Variants in CAPN10 observed in about 807,000 individuals in gnomAD.
CAPN10 encodes calpain 10.
CAPN10 carries 71 observed loss-of-function variants against 78.4 expected under a neutral mutation model. The ratio of observed to expected loss-of-function variants is 0.91; its 90% CI spans 0.75 to 1.10. The LOEUF (loss-of-function observed/expected upper bound fraction) is 1.10, where lower values mean the gene tolerates loss of function less well. CAPN10 is among the 50% of genes least tolerant of loss of function. The pLI, the probability that CAPN10 is intolerant of heterozygous loss-of-function variation, is 0.00. For synonymous variants in CAPN10, 437 were observed against 407.2 expected (o/e 1.07, Z -0.88); for missense variants, 849 against 924.6 (o/e 0.92, Z 1.06).
chr2:240,591,059 T>C (rs748454475), intron 3 of CAPN10, 48 bp downstream of exon 3: 1 of 1,569,428 alleles, frequency 6.4e-7, no homozygotes, highest in East Asian at 2.3e-5. Flanking sequence ...AAGTGGGAGC[T>C]GCCACTACCA....
Position 240,596,792 on chromosome 2 carries a change from C to G in CAPN10, c.1593C>G (p.Gly531=). Residue 531 remains glycine, a synonymous_variant, in exon 9 of 12, where the codon GGC becomes GGG. Transcript: ENST00000391984. Reference sequence around the variant, plus strand: ...GGAGAGTCGGCCAGACGGCGGGGGGCAGCAGGAACTTTGCCTCATACCCCA... The same window carrying G: ...GGAGAGTCGGCCAGACGGCGGGGGGGAGCAGGAACTTTGCCTCATACCCCA... ...GSWRVGQTAG[G]SRNFASYPTN... 6.2e-7 allele frequency: 1 copy of G among 1,612,780 alleles called. No homozygotes were observed. Among genetic ancestry groups the G allele is most frequent in the Non-Finnish European group, 8.5e-7 (1 of 1,179,850 alleles).
At position 240,591,922 on chromosome 2, in the gene CAPN10, G is replaced by T. The variant is rs1181023918; in HGVS notation, c.471-11G>T. 1 of 1,609,286 alleles carries T rather than the reference G, an allele frequency of 6.2e-7. No individual in the cohort carries two copies. The highest frequency in any genetic ancestry group is 8.5e-7 in the Non-Finnish European group (1 of 1,177,528). ...CCAGAGGCTCACTCCCATGGTGATT[G>T]TGTCCCCTAGGGTCCATGGGTCCTA... On this transcript the variant is annotated splice_polypyrimidine_tract_variant and intron_variant, in intron 3 of 11. Coordinates refer to ENST00000391984, the MANE Select transcript of CAPN10 (RefSeq NM_023083.4).
At chr2:240,594,908 G>C in intron 6 of CAPN10, 116 bp from the exon 7 acceptor site, 1 of 988,734 alleles carries the variant, frequency 1.0e-6, no homozygotes, top group South Asian at 1.6e-5. Flanking sequence ...GGAGGGGCTG[G>C]CTCTGTCTGT....
chr2:240,594,417 G>C, intron 5 of CAPN10, 126 bp from the exon 6 acceptor site: 1 of 930,178 alleles, frequency 1.1e-6, no homozygotes, highest in Non-Finnish European at 1.6e-6. Context: ...TGCAGAGCTG[G>C]GGCACGGGGT....
chr2:240,594,620 TG>T lies in CAPN10; in HGVS notation c.910del (p.Glu304ArgfsTer124). ...CAGCTCCAGGAAGGGGAGTTCTGGGTGGAGGAGGAGGAGTTCCTCAGGGAGT... is the reference window on the plus strand; with the variant it reads ...CAGCTCCAGGAAGGGGAGTTCTGGGTGAGGAGGAGGAGTTCCTCAGGGAGT... The part of the protein sequence containing the change: ...LSQLQEGEFW[V>X]EEEEFLREFD... On this transcript the variant is annotated frameshift_variant, in exon 6 of 12. Transcript: ENST00000391984. LOFTEE classifies it high-confidence loss of function. 1 of 1,613,820 alleles carries T rather than the reference TG, an allele frequency of 6.2e-7. No individual in the cohort carries two copies. The highest frequency in any genetic ancestry group is 8.5e-7 in the Non-Finnish European group (1 of 1,179,920).
chr2:240,587,061 G>A lies in CAPN10; in HGVS notation c.141+9G>A, dbSNP rs1203004467. On this transcript the variant is annotated intron_variant, in intron 1 of 11. Transcript: ENST00000391984. ...CGTGGAGGCGGCCCCAGGTGGGGCCGTGTGGGGTGCGGTGGGCGCCGTTTC... is the reference window on the plus strand; with the variant it reads ...CGTGGAGGCGGCCCCAGGTGGGGCCATGTGGGGTGCGGTGGGCGCCGTTTC... The A allele has an allele frequency of 7.9e-6, 11 of 1,393,812 alleles. No individual in the cohort carries two copies. Among genetic ancestry groups the A allele is most frequent in the Non-Finnish European group, 1.0e-5 (11 of 1,069,412 alleles). 86.3% of individuals were successfully genotyped at this position (1,393,812 alleles called of 1,614,324 possible). A position where few individuals can be genotyped will look rare whatever the true frequency, so the allele number is the denominator to read the frequency against.
intron 2 of CAPN10, 45 bp from the exon 3 acceptor site, chr2:240,590,770 G>A: frequency 6.3e-7 from 1 of 1,586,970 alleles, no homozygotes; most frequent in Non-Finnish European, 8.6e-7. Flanking sequence ...GCGCCGGGTG[G>A]TGCTTATATC....
Position 240,594,719 on chromosome 2 carries a change from C to G in CAPN10, c.997+10C>G. The G allele has an allele frequency of 1.2e-6, 2 of 1,609,308 alleles. No individual in the cohort carries two copies. Among genetic ancestry groups the G allele is most frequent in the South Asian group, 1.1e-5 (1 of 90,800 alleles). On this transcript the variant is annotated intron_variant, in intron 6 of 11. Coordinates refer to ENST00000391984, the MANE Select transcript of CAPN10 (RefSeq NM_023083.4). ...CAGAGCCTCTACACAGGTAGTGCCCCGAGGGGCTGTGCTGGGCACGTGCTC... is the reference window on the plus strand; with the variant it reads ...CAGAGCCTCTACACAGGTAGTGCCCGGAGGGGCTGTGCTGGGCACGTGCTC...
Position 240,586,953 on chromosome 2 carries a change from C to G in CAPN10, c.42C>G (p.Phe14Leu). The change falls in exon 1 of 12, where the codon TTC (phenylalanine) becomes TTG (leucine). Residue 14 changes from phenylalanine to leucine, a missense_variant. Phe to Leu is a conservative substitution (Grantham distance 22). Transcript: ENST00000391984. ...GCGCGACGCCGGCGAGGGAGCTGTT[C>G]CGGGACGCCGCCTTCCCCGCCGCGG... ...GRGATPAREL[F>L]RDAAFPAADS... The G allele has an allele frequency of 2.0e-6, 3 of 1,478,842 alleles. No homozygotes were observed. The highest frequency in any genetic ancestry group is 2.7e-6 in the Non-Finnish European group (3 of 1,115,308). 91.6% of individuals were successfully genotyped at this position (1,478,842 alleles called of 1,614,324 possible).
chr2:240,594,007 C>T lies in CAPN10; in HGVS notation c.790C>T (p.Pro264Ser). The T allele has an allele frequency of 6.2e-7, 1 of 1,610,866 alleles. No individual in the cohort carries two copies. The highest frequency in any genetic ancestry group is 8.5e-7 in the Non-Finnish European group (1 of 1,178,024). ...CATCCTGCTGCTGCGGATCCAGAAC[C>T]CCTGGGGCCGGCGGTGCTGGCAGGG... ...QCILLLRIQN[P>S]WGRRCWQGLW... The change falls in exon 5 of 12, where the codon CCC becomes TCC. Residue 264 changes from proline to serine, a missense_variant. By Grantham distance (74) the Pro-to-Ser change is moderately conservative. Coordinates refer to ENST00000391984, the MANE Select transcript of CAPN10 (RefSeq NM_023083.4).
Position 240,589,339 on chromosome 2 carries a change from T to C in CAPN10, c.142-4T>C. The C allele has an allele frequency of 6.2e-7, 1 of 1,614,134 alleles. No individual in the cohort carries two copies. The highest frequency in any genetic ancestry group is 1.3e-5 in the African/African-American group (1 of 75,058). ...CTAACTCTGGACAACTTTCTGTATC[T>C]CAGGAGATTTGTGCCACACCCCGGC... On this transcript the variant is annotated splice_region_variant and splice_polypyrimidine_tract_variant and intron_variant, in intron 1 of 11. Transcript: ENST00000391984.
chr2:240,598,306 T>C (rs1366386177), intron 10 of CAPN10, 46 bp from the exon 11 acceptor site: 3 of 1,607,624 alleles, frequency 1.9e-6, no homozygotes, highest in South Asian at 2.2e-5. Context: ...CAGCCACTTG[T>C]GTGACAAGTG....
At position 240,599,036 on chromosome 2, in the gene CAPN10, A is replaced by G. The variant is rs894002645; in HGVS notation, c.*356A>G. 5.3e-6 allele frequency: 2 copies of G among 379,790 alleles called. No homozygotes were observed. Among genetic ancestry groups the G allele is most frequent in the Admixed American group, 8.0e-5 (2 of 25,014 alleles). The allele number at this position is 379,790 out of a possible 1,614,324, so 23.5% of individuals were successfully genotyped here. A position where few individuals can be genotyped will look rare whatever the true frequency, so the allele number is the denominator to read the frequency against. On this transcript the variant is annotated 3_prime_UTR_variant, in exon 12 of 12. Transcript: ENST00000391984. Reference sequence around the variant, plus strand: ...GGGTAGGGCAGCAGATCTTCTTTATAACTATTTATTGTTCGAATCACTTTT... The same window carrying G: ...GGGTAGGGCAGCAGATCTTCTTTATGACTATTTATTGTTCGAATCACTTTT...
intron 1 of CAPN10, among the ~76,000 whole-genome samples, 195 bp downstream of exon 1, chr2:240,587,247 G>T (rs971509395): frequency 6.6e-6 from 1 of 152,210 alleles, no homozygotes; most frequent in African/African-American, 2.4e-5. Context: ...AGGACTCGGC[G>T]CTACCCTAAG....
intron 7 of CAPN10, 148 bp downstream of exon 7, chr2:240,595,452 G>A (rs2125463937): frequency 2.4e-6 from 2 of 823,098 alleles, no homozygotes; most frequent in Non-Finnish European, 1.9e-6. Flanking sequence ...TGTTGCACGG[G>A]GTTGACGTCT....
rs549309549 is a variant in CAPN10 at position 240,598,810 on chromosome 2, G to T, written c.*130G>T. 6.0e-3 allele frequency: 5,387 copies of T among 904,792 alleles called. 33 individuals are homozygous for T. The highest frequency in any genetic ancestry group is 8.6e-3 in the South Asian group (580 of 67,806). The allele number at this position is 904,792 out of a possible 1,614,324, so 56.0% of individuals were successfully genotyped here. A position where few individuals can be genotyped will look rare whatever the true frequency, so the allele number is the denominator to read the frequency against. ...CTTGGCCTGCCTCCCAGCCCTGCCA[G>T]GAGGCTGCGGCCTAGGGGTCCACGG... On this transcript the variant is annotated 3_prime_UTR_variant, in exon 12 of 12. Coordinates refer to ENST00000391984, the MANE Select transcript of CAPN10 (RefSeq NM_023083.4).
chr2:240,595,090 G>A lies in CAPN10; in HGVS notation c.1064G>A (p.Cys355Tyr), dbSNP rs1201884119. The A allele has an allele frequency of 6.2e-7, 1 of 1,613,806 alleles. No homozygotes were observed. Among genetic ancestry groups the A allele is most frequent in the Non-Finnish European group, 8.5e-7 (1 of 1,180,030 alleles). The change falls in exon 7 of 12, where the codon TGC (cysteine) becomes TAC (tyrosine). Residue 355 changes from cysteine (C) to tyrosine (Y), a missense_variant. Physicochemically the swap from Cys to Tyr is radical, Grantham distance 194 (BLOSUM62 -2). Transcript: ENST00000391984. The part of the protein sequence containing the change: ...AWVKGQSAGG[C>Y]RNNSGFPSNP... ...GTCAAGGGCCAGTCAGCAGGAGGCT[G>A]CCGGAACAACAGCGGCTTTCCCAGC...
intron 7 of CAPN10, among the ~76,000 whole-genome samples, chr2:240,595,590 C>T (rs1575450959): frequency 6.6e-6 from 1 of 152,304 alleles, no homozygotes; most frequent in Middle Eastern, 3.4e-3. Context: ...GGCCTGGACC[C>T]GGGGGGCTCC....
intron 4 of CAPN10, among the ~76,000 whole-genome samples, chr2:240,593,608 A>G (rs1015404881): frequency 4.6e-5 from 7 of 152,250 alleles, no homozygotes; most frequent in African/African-American, 1.4e-4. Context: ...GGCATCGTGC[A>G]CAGATGGGTA....
Sources: gnomAD v4.1 joint callset for allele counts (sites outside exome capture counted in the v4.1 genomes callset) on GRCh38, gnomAD v4.1.1 for gene constraint, MANE v1.5 for transcripts, NCBI Gene and HGNC (gene_info 2026-07-23, HGNC 2026-07-21) for gene names.